LRP1B: variants seen among roughly 807,000 people sequenced by gnomAD.
LRP1B encodes LDL receptor related protein 1B, also known as low-density lipoprotein receptor-related protein 1B.
Under a neutral mutation model 556.6 loss-of-function variants are expected in LRP1B, and 217 were observed. The ratio of observed to expected loss-of-function variants is 0.39; its 90% CI spans 0.35 to 0.44. LRP1B has a LOEUF of 0.44. LRP1B is among the 20% of genes least tolerant of loss of function. LRP1B has a pLI of 1.00. For synonymous variants in LRP1B, 2,047 were observed against 1,865.8 expected (o/e 1.10, Z -2.50); for missense variants, 5,053 against 5,620.8 (o/e 0.90, Z 3.23).
intron 20 of LRP1B, among the ~76,000 whole-genome samples, chr2:140,936,927 T>A (rs947230214): frequency 2.0e-5 from 3 of 152,138 alleles, no homozygotes; most frequent in African/African-American, 7.2e-5. Context: ...CAACCTAATA[T>A]AAGGCTGTGA....
intron 32 of LRP1B, 39 bp from the exon 33 acceptor site, chr2:140,776,277 T>C (rs760161093): frequency 7.6e-7 from 1 of 1,310,498 alleles, no homozygotes; most frequent in Non-Finnish European, 1.0e-6. Flanking sequence ...GAAAGTATAA[T>C]TATCTTATTA....
intron 3 of LRP1B, among the ~76,000 whole-genome samples, chr2:141,294,403 A>T (rs1362783026): frequency 6.8e-6 from 1 of 147,692 alleles, no homozygotes; most frequent in Non-Finnish European, 1.5e-5. Flanking sequence ...TTATCATGAA[A>T]TATCTTAAGT....
intron 18 of LRP1B, among the ~76,000 whole-genome samples, chr2:140,968,636 G>A (rs1323284773): frequency 6.6e-5 from 10 of 151,794 alleles, no homozygotes; most frequent in Non-Finnish European, 1.3e-4. Context: ...CGTCAATTTT[G>A]GATCTTTCCT....
intron 36 of LRP1B, 115 bp from the exon 37 acceptor site, chr2:140,716,217 C>T (rs17513410): frequency 0.53 from 364,927 of 694,750 alleles, 99,564 homozygotes; most frequent in Non-Finnish European, 0.58. Flanking sequence ...TGTTTACTTC[C>T]TACATTCTTT....
intron 25 of LRP1B, among the ~76,000 whole-genome samples, chr2:140,869,069 T>G (rs1258992577): frequency 6.6e-6 from 1 of 152,114 alleles, no homozygotes; most frequent in Non-Finnish European, 1.5e-5. Context: ...TTCTGAATGA[T>G]GCCTTTAACC....
intron 43 of LRP1B, among the ~76,000 whole-genome samples, chr2:140,587,819 CAA>C (rs375474185): frequency 0.019 from 2,927 of 152,108 alleles, 94 homozygotes; most frequent in African/African-American, 0.066. Context: ...AAACTAGAGA[CAA>C]GAAGCAAATC....
intron 55 of LRP1B, among the ~76,000 whole-genome samples, chr2:140,501,316 C>A (rs1689175164): frequency 1.3e-5 from 2 of 151,860 alleles, no homozygotes; most frequent in Non-Finnish European, 2.9e-5. Context: ...AAATGATTAG[C>A]CCATTCCACT....
chr2:141,950,560 T>G lies in LRP1B; in HGVS notation c.83-140159A>C, dbSNP rs1199832561. 4.6e-5 allele frequency among the ~76,000 whole-genome samples: 7 copies of G among 152,288 alleles called. No homozygotes were observed. In the East Asian group the frequency reaches 1.4e-3, roughly 29 times the overall value. ...TGAAGACTCCTCTTGGGCATTTTAA[T>G]TAAAACTTCAAATAAGCAATGAGAA... On this transcript the variant is annotated intron_variant, in intron 1 of 90. Transcript: ENST00000389484.
chr2:141,627,269 T>C (rs1054640372), intron 2 of LRP1B, among the ~76,000 whole-genome samples: 9 of 152,180 alleles, frequency 5.9e-5, no homozygotes, highest in South Asian at 4.1e-4. Context: ...AAAAAGATCA[T>C]TGGTTTCCAG....
At chr2:141,065,629 T>C (rs2105474164) in intron 7 of LRP1B, among the ~76,000 whole-genome samples, 1 of 152,016 alleles carries the variant, frequency 6.6e-6, no homozygotes, top group Middle Eastern at 3.4e-3. Context: ...ATGTTATGCC[T>C]TTTGAACTGA....
intron 79 of LRP1B, among the ~76,000 whole-genome samples, chr2:140,331,609 A>G (rs1202050435): frequency 1.3e-5 from 2 of 151,544 alleles, no homozygotes; most frequent in Non-Finnish European, 2.9e-5. Context: ...TATGCTGTAC[A>G]TTGGAGCCCC....
intron 2 of LRP1B, among the ~76,000 whole-genome samples, chr2:141,677,498 A>AT (rs914043787): frequency 1.2e-4 from 18 of 151,166 alleles, no homozygotes; most frequent in Admixed American, 5.3e-4. Flanking sequence ...GTATATATAT[A>AT]TTTTTTTTTG....
intron 16 of LRP1B, among the ~76,000 whole-genome samples, chr2:140,992,858 T>C (rs146413610): frequency 8.0e-4 from 121 of 152,162 alleles, no homozygotes; most frequent in African/African-American, 2.8e-3. Context: ...GCAGGACAGA[T>C]ATTAATGGGT....
intron 3 of LRP1B, among the ~76,000 whole-genome samples, chr2:141,358,705 A>G (rs1210603062): frequency 6.6e-6 from 1 of 152,192 alleles, no homozygotes; most frequent in Non-Finnish European, 1.5e-5. Context: ...AGCACATGGC[A>G]CTCAGGAAGT....
chr2:140,487,511 T>G (rs1394525821), intron 58 of LRP1B, 106 bp downstream of exon 58: 1 of 1,061,390 alleles, frequency 9.4e-7, no homozygotes, highest in Non-Finnish European at 1.4e-6. Flanking sequence ...GAAACCACCC[T>G]AATGCATTTT....
intron 52 of LRP1B, among the ~76,000 whole-genome samples, chr2:140,508,872 C>T (rs1333536374): frequency 1.3e-5 from 2 of 152,070 alleles, no homozygotes; most frequent in Non-Finnish European, 2.9e-5. Context: ...CCATCTGGAT[C>T]CCTGAATTGA....
intron 3 of LRP1B, among the ~76,000 whole-genome samples, chr2:141,316,081 C>A (rs1024934825): frequency 6.6e-6 from 1 of 151,800 alleles, no homozygotes; most frequent in Non-Finnish European, 1.5e-5. Flanking sequence ...AACAAGAGAT[C>A]AGATTCATGG....
At chr2:140,885,777 T>C (rs1050568246) in intron 24 of LRP1B, among the ~76,000 whole-genome samples, 4 of 145,334 alleles carry the variant, frequency 2.8e-5, no homozygotes, top group Non-Finnish European at 6.0e-5. Context: ...TTTTGAATTA[T>C]GTTGAAAGAT....
intron 7 of LRP1B, among the ~76,000 whole-genome samples, chr2:141,070,958 C>T (rs1415831620): frequency 6.6e-6 from 1 of 152,154 alleles, no homozygotes; most frequent in African/African-American, 2.4e-5. Context: ...CCTTCTGAAA[C>T]TATTCCAATC....
Sources: allele counts gnomAD v4.1 joint callset (sites outside exome capture counted in the v4.1 genomes callset), GRCh38; gene constraint gnomAD v4.1.1; transcripts MANE v1.5; gene names NCBI Gene and HGNC (gene_info 2026-07-23, HGNC 2026-07-21).